The following GNAO1 variants were observed in gnomAD, a reference collection of about 807,000 sequenced individuals.
GNAO1 encodes guanine nucleotide-binding protein G(o) subunit alpha.
For missense variants in GNAO1, 166 were observed against 478.7 expected (o/e 0.35, Z 6.10); for synonymous variants, 164 against 180.7 (o/e 0.91, Z 0.74).
intron 3 of GNAO1, among the ~76,000 whole-genome samples, chr16:56,315,839 C>G (rs1567480304): frequency 6.6e-6 from 1 of 151,984 alleles, no homozygotes; most frequent in Admixed American, 6.6e-5. Flanking sequence ...GTCAGGAGTT[C>G]GAGACCAGCC....
At chr16:56,223,566 C>T (rs1463851707) in intron 2 of GNAO1, among the ~76,000 whole-genome samples, 1 of 152,142 alleles carries the variant, frequency 6.6e-6, no homozygotes, top group Non-Finnish European at 1.5e-5. Context: ...GGATGTGGAC[C>T]TCTTTGTTGG....
intron 2 of GNAO1, among the ~76,000 whole-genome samples, chr16:56,212,438 GCTGA>G (rs1259140156): frequency 6.6e-6 from 1 of 152,130 alleles, no homozygotes; most frequent in African/African-American, 2.4e-5. Context: ...CTGTCTCTTG[GCTGA>G]CTGTCATCTC....
At chr16:56,260,904 G>A (rs758212075) in intron 2 of GNAO1, among the ~76,000 whole-genome samples, 1 of 152,120 alleles carries the variant, frequency 6.6e-6, no homozygotes, top group Non-Finnish European at 1.5e-5. Context: ...CTCTGTGAAT[G>A]TATTTCTCTG....
chr16:56,241,916 A>T (rs528880117), intron 2 of GNAO1, among the ~76,000 whole-genome samples: 1 of 152,346 alleles, frequency 6.6e-6, no homozygotes, highest in African/African-American at 2.4e-5. Flanking sequence ...CCTGAGCTGC[A>T]ATGGGAAGCT....
At chr16:56,221,151 A>G (rs1328883044) in intron 2 of GNAO1, among the ~76,000 whole-genome samples, 1 of 152,192 alleles carries the variant, frequency 6.6e-6, no homozygotes, top group African/African-American at 2.4e-5. Flanking sequence ...AGAAGGCCCC[A>G]CTAGACACTG....
intron 3 of GNAO1, among the ~76,000 whole-genome samples, chr16:56,324,559 C>A (rs1305038530): frequency 6.6e-6 from 1 of 152,220 alleles, no homozygotes; most frequent in Non-Finnish European, 1.5e-5. Context: ...GACTCATAGG[C>A]CTTGCACTGT....
At chr16:56,247,742 G>A (rs1402728728) in intron 2 of GNAO1, among the ~76,000 whole-genome samples, 4 of 152,208 alleles carry the variant, frequency 2.6e-5, no homozygotes, top group Non-Finnish European at 5.9e-5. Context: ...GAATGTGGTT[G>A]ATGCTTAATA....
intron 2 of GNAO1, among the ~76,000 whole-genome samples, chr16:56,268,071 G>T (rs1159710667): frequency 6.6e-6 from 1 of 152,204 alleles, no homozygotes; most frequent in African/African-American, 2.4e-5. Flanking sequence ...CAATGGAAAG[G>T]CCTCTGGGGG....
chr16:56,323,364 AAC>A (rs149196337), intron 3 of GNAO1, among the ~76,000 whole-genome samples: 214 of 152,306 alleles, frequency 1.4e-3, no homozygotes, highest in African/African-American at 4.7e-3. Context: ...GTATTAAGAA[AAC>A]ACACACTGAA....
rs758975372 is a variant in GNAO1 at position 56,354,833 on chromosome 16, G to A, written c.878-33G>A. The stretch of plus-strand genomic sequence containing the variant: ...CCTGTCCACCCACAGCGCTCATCAG[G>A]GCCTCTCCCCGTTCTTCTGTGTCTT... On this transcript the variant is annotated intron_variant, in intron 7 of 8. Transcript: ENST00000262493. This position sits in a 1 kb window ranked among gnomAD's most constrained non-coding sequence, Gnocchi z 4.3. 1.4e-6 allele frequency: 2 copies of A among 1,454,974 alleles called. No individual in the cohort carries two copies. Among genetic ancestry groups the A allele is most frequent in the Non-Finnish European group, 1.9e-6 (2 of 1,038,102 alleles). The allele number at this position is 1,454,974 out of a possible 1,614,324, so 90.1% of individuals were successfully genotyped here.
chr16:56,302,803 G>C (rs2143588182), intron 3 of GNAO1: 1 of 152,352 alleles, frequency 6.6e-6, no homozygotes, highest in African/African-American at 2.4e-5. Context: ...CACCCAACTG[G>C]TGTCCTTAAC....
intron 2 of GNAO1, among the ~76,000 whole-genome samples, chr16:56,263,476 T>C (rs2036923709): frequency 6.6e-6 from 1 of 152,146 alleles, no homozygotes; most frequent in Non-Finnish European, 1.5e-5. Context: ...CAGGTGGTGA[T>C]ACATGTGATG....
Position 56,328,741 on chromosome 16 carries a change from A to G in GNAO1, c.414A>G (p.Gln138=), listed in dbSNP as rs141057479. The change falls in exon 4 of 9, where the codon CAA becomes CAG. Residue 138 remains glutamine, a synonymous_variant. Coordinates refer to ENST00000262493, the MANE Select transcript of GNAO1 (RefSeq NM_020988.3). ...GGCTCTGGGGCGACTCAGGAATCCAAGAGTGCTTCAACCGGTCCCGGGAGT... is the reference window on the plus strand; with the variant it reads ...GGCTCTGGGGCGACTCAGGAATCCAGGAGTGCTTCAACCGGTCCCGGGAGT... ...MMRLWGDSGI[Q]ECFNRSREYQ... 1,079 of 1,614,248 alleles carry G rather than the reference A, an allele frequency of 6.7e-4. No homozygotes were observed. The highest frequency in any genetic ancestry group is 1.5e-3 in the Middle Eastern group (9 of 6,062).
chr16:56,340,761 C>A, intron 6 of GNAO1: 2 of 1,365,122 alleles, frequency 1.5e-6, no homozygotes, highest in South Asian at 1.3e-5. Flanking sequence ...GCTTGTCCCG[C>A]TGTGTCATTG....
chr16:56,257,261 A>G (rs1404788900), intron 2 of GNAO1, among the ~76,000 whole-genome samples: 1 of 152,192 alleles, frequency 6.6e-6, no homozygotes, highest in South Asian at 2.1e-4. Flanking sequence ...TGAGTCGGCA[A>G]TCCATGGTCT....
At chr16:56,272,385 G>A (rs1260218312) in intron 2 of GNAO1, among the ~76,000 whole-genome samples, 1 of 152,180 alleles carries the variant, frequency 6.6e-6, no homozygotes, top group Non-Finnish European at 1.5e-5. Context: ...TTACATTGTA[G>A]TAGAAGGGGA....
chr16:56,274,636 A>G (rs773966629), intron 2 of GNAO1, among the ~76,000 whole-genome samples: 1 of 152,252 alleles, frequency 6.6e-6, no homozygotes. Flanking sequence ...TCTTGAAAAC[A>G]TTGTGCTAAG....
At chr16:56,329,819 C>T (rs567891337) in intron 4 of GNAO1, among the ~76,000 whole-genome samples, 7 of 151,948 alleles carry the variant, frequency 4.6e-5, no homozygotes, top group African/African-American at 1.2e-4. Flanking sequence ...TCAGCAACAT[C>T]GGGAGACATT....
chr16:56,197,310 C>T (rs1178017288), intron 2 of GNAO1, among the ~76,000 whole-genome samples: 4 of 152,226 alleles, frequency 2.6e-5, no homozygotes, highest in African/African-American at 9.6e-5. Context: ...CTTTGCCTCC[C>T]TCCCTTCGTC....
Sources: allele counts gnomAD v4.1 joint callset (sites outside exome capture counted in the v4.1 genomes callset), GRCh38; gene constraint gnomAD v4.1.1; non-coding constraint Gnocchi (gnomAD v3.1); transcripts MANE v1.5; gene names NCBI Gene and HGNC (gene_info 2026-07-23, HGNC 2026-07-21).